ADAMTS3: variants seen among roughly 807,000 people sequenced by gnomAD.
ADAMTS3 encodes the protein ADAM metallopeptidase with thrombospondin type 1 motif 3, also known as A disintegrin and metalloproteinase with thrombospondin motifs 3.
ADAMTS3 carries 73 observed loss-of-function variants against 129.0 expected under a neutral mutation model. The observed-to-expected ratio is 0.57, with a 90% CI of 0.47 to 0.69. The LOEUF is 0.69. Among genes scored for constraint, ADAMTS3 ranks in the 30% least tolerant of loss-of-function variants. The pLI is 0.00. For missense variants in ADAMTS3, 1,457 were observed against 1,514.5 expected, an observed-to-expected ratio of 0.96 and a Z score of 0.63; for synonymous variants, 477 against 510.8, an observed-to-expected ratio of 0.93 and a Z score of 0.89.
intron 3 of ADAMTS3, among the ~76,000 whole-genome samples, chr4:72,492,580 A>G (rs979473489): frequency 6.6e-6 from 1 of 151,684 alleles, no homozygotes; most frequent in African/African-American, 2.4e-5. Flanking sequence ...AGTGATTTTT[A>G]TTTTGGAATG....
chr4:72,313,515 A>G (rs957806704), intron 12 of ADAMTS3, among the ~76,000 whole-genome samples, 162 bp downstream of exon 12: 3 of 152,212 alleles, frequency 2.0e-5, no homozygotes, highest in Non-Finnish European at 4.4e-5. Flanking sequence ...AGATTAATAA[A>G]TGGAGATGTA....
At chr4:72,522,823 A>C (rs193143129) in intron 3 of ADAMTS3, among the ~76,000 whole-genome samples, 162 of 152,328 alleles carry the variant, frequency 1.1e-3, no homozygotes, top group Non-Finnish European at 1.8e-3. Context: ...ATAAAAGTTA[A>C]TGCATTAACT....
chr4:72,401,603 AGAGT>A (rs1721924543), intron 4 of ADAMTS3, among the ~76,000 whole-genome samples: 5 of 145,976 alleles, frequency 3.4e-5, no homozygotes, highest in Admixed American at 2.0e-4. Flanking sequence ...AGAAAAAAAA[AGAGT>A]GAAAGAAAGG....
chr4:72,525,432 G>C (rs575301266), intron 3 of ADAMTS3, among the ~76,000 whole-genome samples: 8 of 152,140 alleles, frequency 5.3e-5, no homozygotes, highest in African/African-American at 1.9e-4. Context: ...AAACAAGCTA[G>C]TATATAGCAT....
intron 4 of ADAMTS3, among the ~76,000 whole-genome samples, chr4:72,346,954 G>C (rs772379311): frequency 1.3e-5 from 2 of 152,082 alleles, no homozygotes; most frequent in Non-Finnish European, 2.9e-5. Context: ...CCAGTACTTG[G>C]TTAATAGATG....
intron 4 of ADAMTS3, among the ~76,000 whole-genome samples, chr4:72,377,438 A>G (rs1356243035): frequency 1.3e-5 from 2 of 152,304 alleles, no homozygotes; most frequent in African/African-American, 4.8e-5. Flanking sequence ...AGGATTTAGG[A>G]TTATATGTCA....
Position 72,309,745 on chromosome 4 carries a change from A to G in ADAMTS3, c.2056-225T>C, listed in dbSNP as rs185836649. On this transcript the variant is annotated intron_variant, in intron 14 of 21. Coordinates refer to ENST00000286657, the MANE Select transcript of ADAMTS3 (RefSeq NM_014243.3). ...TAAAGAATATATTTCCTCCAGTCCA[A>G]TGAAATATTTACACCATTTTAAATT... Among the ~76,000 whole-genome samples, 47 of 152,166 alleles carry G rather than the reference A, an allele frequency of 3.1e-4. 1 individual carries two copies. The highest frequency in any genetic ancestry group is 2.5e-3 in the South Asian group (12 of 4,828).
At chr4:72,399,785 C>T (rs915667339) in intron 4 of ADAMTS3, among the ~76,000 whole-genome samples, 3 of 138,984 alleles carry the variant, frequency 2.2e-5, no homozygotes, top group Non-Finnish European at 4.7e-5. Flanking sequence ...ACGGTGTGTA[C>T]GCATATGTGT....
chr4:72,456,119 T>C lies in ADAMTS3; in HGVS notation c.505-41148A>G, dbSNP rs868012071. ...ATATATAGTATATATACTATATATA[T>C]TTTATATATAGTATATATACTATAT... On this transcript the variant is annotated intron_variant, in intron 3 of 21. Transcript: ENST00000286657. Among the ~76,000 whole-genome samples, 56 of 57,784 alleles carry C rather than the reference T, an allele frequency of 9.7e-4. 3 individuals are homozygous for C. The highest frequency in any genetic ancestry group is 3.5e-3 in the African/African-American group (36 of 10,238). 37.9% of individuals were successfully genotyped at this position (57,784 alleles called of 152,430 possible). A position where few individuals can be genotyped will look rare whatever the true frequency, so the allele number is the denominator to read the frequency against.
At chr4:72,389,381 C>A (rs1035673976) in intron 4 of ADAMTS3, among the ~76,000 whole-genome samples, 2 of 152,026 alleles carry the variant, frequency 1.3e-5, no homozygotes, top group Admixed American at 1.3e-4. Flanking sequence ...GGGGCTTTAG[C>A]CATATCTGTA....
chr4:72,308,492 T>C (rs1429727542), intron 15 of ADAMTS3, among the ~76,000 whole-genome samples: 1 of 151,958 alleles, frequency 6.6e-6, no homozygotes, highest in African/African-American at 2.4e-5. Flanking sequence ...TGTTTTACTT[T>C]CATGATTTTA....
chr4:72,398,152 A>G (rs1459793507), intron 4 of ADAMTS3, among the ~76,000 whole-genome samples: 1 of 152,220 alleles, frequency 6.6e-6, no homozygotes, highest in Non-Finnish European at 1.5e-5. Flanking sequence ...GCGGAAAACT[A>G]TTTATATAAA....
chr4:72,505,983 A>T (rs1085952), intron 3 of ADAMTS3, among the ~76,000 whole-genome samples: 97,586 of 152,108 alleles, frequency 0.64, 31,739 homozygotes, highest in African/African-American at 0.75. Flanking sequence ...TTATGCCTGC[A>T]GAACCAGGCA....
At chr4:72,455,906 C>T (rs374147449) in intron 3 of ADAMTS3, among the ~76,000 whole-genome samples, 26,938 of 76,282 alleles carry the variant, frequency 0.35, 4,428 homozygotes, top group East Asian at 0.47. Context: ...ATAGTATATA[C>T]ACTGTATATA....
chr4:72,435,634 C>T (rs2109953429), intron 3 of ADAMTS3, among the ~76,000 whole-genome samples: 1 of 151,782 alleles, frequency 6.6e-6, no homozygotes, highest in African/African-American at 2.4e-5. Context: ...GTACATGGCA[C>T]ATAAGCAGTG....
intron 4 of ADAMTS3, among the ~76,000 whole-genome samples, chr4:72,347,016 T>A (rs189346193): frequency 6.6e-6 from 1 of 152,216 alleles, no homozygotes; most frequent in African/African-American, 2.4e-5. Context: ...ACATTTTAAT[T>A]TGGAGCTACT....
intron 19 of ADAMTS3, among the ~76,000 whole-genome samples, chr4:72,294,722 G>A (rs897969673): frequency 2.0e-5 from 3 of 152,020 alleles, no homozygotes; most frequent in African/African-American, 4.8e-5. Context: ...ACCAAAACAG[G>A]TCATTGAGAA....
chr4:72,515,624 TA>T (rs1311566036), intron 3 of ADAMTS3, among the ~76,000 whole-genome samples: 2 of 151,714 alleles, frequency 1.3e-5, no homozygotes, highest in African/African-American at 4.8e-5. Context: ...TTTGGCTGCA[TA>T]AATGTCTTCT....
chr4:72,346,636 T>C (rs1720292389), intron 4 of ADAMTS3, among the ~76,000 whole-genome samples: 1 of 152,078 alleles, frequency 6.6e-6, no homozygotes, highest in Non-Finnish European at 1.5e-5. Flanking sequence ...TTTTGTTAAA[T>C]TAAAATATAA....
Sources: gnomAD v4.1 joint callset for allele counts (sites outside exome capture counted in the v4.1 genomes callset) on GRCh38, gnomAD v4.1.1 for gene constraint, MANE v1.5 for transcripts, NCBI Gene and HGNC (gene_info 2026-07-23, HGNC 2026-07-21) for gene names.